Variants in ALS2 observed in about 807,000 individuals in gnomAD.
The protein encoded by ALS2 is alsin.
In ALS2, 117 loss-of-function variants were observed where a neutral mutation model predicts 203.4. The observed-to-expected ratio is 0.58, with a 90% CI of 0.50 to 0.67. ALS2 has a LOEUF of 0.67. Among genes scored for constraint, ALS2 ranks in the 30% least tolerant of loss-of-function variants. The probability of loss-of-function intolerance (pLI) is 0.00; values close to 1 mark genes in which losing one functional copy is unlikely to be tolerated. For synonymous variants in ALS2, 718 were observed against 725.9 expected (o/e 0.99, Z 0.17); for missense variants, 1,715 against 1,989.4 (o/e 0.86, Z 2.62).
intron 13 of ALS2, 147 bp downstream of exon 13, chr2:201,733,129 G>T (rs1691678527): frequency 1.1e-6 from 1 of 913,012 alleles, no homozygotes; most frequent in Non-Finnish European, 1.6e-6. Flanking sequence ...ACTTTCCTCT[G>T]TCATTTCCCT....
At chr2:201,746,303 A>T (rs1453184303) in intron 9 of ALS2, among the ~76,000 whole-genome samples, 2 of 152,196 alleles carry the variant, frequency 1.3e-5, no homozygotes, top group Non-Finnish European at 2.9e-5. Flanking sequence ...GATAGCCTAA[A>T]ATCCCTACCC....
In ALS2 at chr2:201,761,042, T is replaced by C; in HGVS notation, c.952A>G (p.Met318Val). ...CCCATGACATTTTGTTGAGAGGACA[T>C]GGCATCGCTGCTTGTGATCTGAGCA... ...VSAQITSSDA[M>V]SSQQNVMGTT... The change falls in exon 4 of 34, where the codon ATG (methionine) becomes GTG (valine). Residue 318 changes from methionine (M) to valine (V), a missense_variant. Physicochemically the swap from Met to Val is conservative, Grantham distance 21. Transcript: ENST00000264276. The C allele has an allele frequency of 6.2e-7, 1 of 1,614,196 alleles. No individual in the cohort carries two copies. The highest frequency in any genetic ancestry group is 8.5e-7 in the Non-Finnish European group (1 of 1,180,026).
intron 8 of ALS2, among the ~76,000 whole-genome samples, chr2:201,748,969 G>A (rs1692851391): frequency 6.6e-6 from 1 of 152,132 alleles, no homozygotes; most frequent in Admixed American, 6.5e-5. Context: ...TGGGAACGGG[G>A]AGATATCAGA....
intron 16 of ALS2, among the ~76,000 whole-genome samples, 172 bp downstream of exon 16, chr2:201,727,533 C>T (rs1392310004): frequency 1.3e-5 from 2 of 152,120 alleles, no homozygotes; most frequent in African/African-American, 4.8e-5. Flanking sequence ...TCACAACAGG[C>T]CATTTTATTA....
rs967463067 is a variant in ALS2, at chr2:201,723,581, G to C, written c.3513-140C>G. On this transcript the variant is annotated intron_variant, in intron 21 of 33. Transcript: ENST00000264276. ...TTTTCTAGTTAAAATAGTTAACTTT[G>C]TCTCCTCAAATATGGGACAAAGTGA... 1.8e-5 allele frequency: 13 copies of C among 728,618 alleles called. No homozygotes were observed. In the East Asian group the frequency reaches 2.8e-4, roughly 16 times the overall value. 45.1% of individuals were successfully genotyped at this position (728,618 alleles called of 1,614,324 possible). A position where few individuals can be genotyped will look rare whatever the true frequency, so the allele number is the denominator to read the frequency against.
At chr2:201,768,990 C>A in intron 1 of ALS2, 45 bp from the exon 2 acceptor site, 3 of 1,024,444 alleles carry the variant, frequency 2.9e-6, no homozygotes, top group Non-Finnish European at 4.3e-6. Flanking sequence ...GAATATTTTA[C>A]CCCTCAGACA....
intron 3 of ALS2, chr2:201,765,576 T>C (rs1373153483): frequency 6.0e-6 from 1 of 167,054 alleles, no homozygotes; most frequent in Non-Finnish European, 1.5e-5. Flanking sequence ...TTAATCCTTG[T>C]TTCCTAGAAT....
chr2:201,742,351 A>G (rs1449959067), intron 10 of ALS2, among the ~76,000 whole-genome samples: 1 of 152,222 alleles, frequency 6.6e-6, no homozygotes, highest in Non-Finnish European at 1.5e-5. Flanking sequence ...CCTTCAGTGC[A>G]GAGAAGGCAA....
chr2:201,763,086 G>A (rs955578338), intron 3 of ALS2: 3 of 180,510 alleles, frequency 1.7e-5, no homozygotes, highest in African/African-American at 7.2e-5. Flanking sequence ...CCAGATTCCA[G>A]GTGTTTGTTG....
chr2:201,728,020 A>T (rs1691299909), intron 15 of ALS2, among the ~76,000 whole-genome samples: 1 of 152,194 alleles, frequency 6.6e-6, no homozygotes, highest in Non-Finnish European at 1.5e-5. Context: ...CTCATTCTCA[A>T]GCTGGAAACT....
intron 11 of ALS2, among the ~76,000 whole-genome samples, chr2:201,739,283 A>T (rs1432394952): frequency 6.6e-6 from 1 of 151,388 alleles, no homozygotes; most frequent in African/African-American, 2.4e-5. Context: ...AGGAAATTTT[A>T]AAAACACCTA....
At chr2:201,734,560 A>G (rs1403509956) in intron 12 of ALS2, among the ~76,000 whole-genome samples, 1 of 152,094 alleles carries the variant, frequency 6.6e-6, no homozygotes, top group Non-Finnish European at 1.5e-5. Flanking sequence ...GTTCTACTGC[A>G]GAGATCAGCT....
intron 1 of ALS2, among the ~76,000 whole-genome samples, chr2:201,773,056 T>C (rs1297625224): frequency 6.6e-6 from 1 of 152,038 alleles, no homozygotes; most frequent in Non-Finnish European, 1.5e-5. Flanking sequence ...GAGACAGGGT[T>C]TCACTATGTT....
At chr2:201,718,602 GT>G (rs1429327740) in intron 23 of ALS2, among the ~76,000 whole-genome samples, 2 of 152,018 alleles carry the variant, frequency 1.3e-5, no homozygotes, top group Non-Finnish European at 2.9e-5. Flanking sequence ...CTAAATGGTT[GT>G]TTTCCTTTTT....
chr2:201,771,876 G>A (rs1414387296), intron 1 of ALS2, among the ~76,000 whole-genome samples: 1 of 152,152 alleles, frequency 6.6e-6, no homozygotes, highest in East Asian at 1.9e-4. Context: ...TAACTTTCCT[G>A]CATAGACCTG....
rs1689931001 is a variant in ALS2, at chr2:201,709,883, C to T, written c.4278G>A (p.Val1426=). Residue 1426 remains valine, a splice_region_variant and synonymous_variant, in exon 27 of 34, where the codon GTG becomes GTA. Transcript: ENST00000264276. The part of the protein sequence containing the change: ...KSYLKRIFQL[V]RFLFPELPEE... The stretch of plus-strand genomic sequence containing the variant: ...ACTTTAGTGAAAAGCTCTCTTACCT[C>T]ACCAGCTGGAAAATTCGCTTAAGAT... 2 of 1,613,966 alleles carry T rather than the reference C, an allele frequency of 1.2e-6. No individual in the cohort carries two copies. The highest frequency in any genetic ancestry group is 2.7e-5 in the African/African-American group (2 of 74,920).
At chr2:201,710,293 A>C (rs1460133881) in intron 26 of ALS2, among the ~76,000 whole-genome samples, 1 of 152,096 alleles carries the variant, frequency 6.6e-6, no homozygotes, top group East Asian at 1.9e-4. Context: ...ACTGATATGG[A>C]ATACCACTAA....
At position 201,761,171 on chromosome 2, in the gene ALS2, C is replaced by G. The variant is rs555477868; in HGVS notation, c.823G>C (p.Ala275Pro). The G allele has an allele frequency of 1.2e-6, 2 of 1,614,186 alleles. No homozygotes were observed. Among genetic ancestry groups the G allele is most frequent in the Non-Finnish European group, 8.5e-7 (1 of 1,180,030 alleles). Residue 275 changes from alanine to proline, a missense_variant, in exon 4 of 34, where the codon GCT (alanine) becomes CCT (proline). Coordinates refer to ENST00000264276, the MANE Select transcript of ALS2 (RefSeq NM_020919.4). ...AGGGTTTCAGTGGAGGGGCTGAGAG[C>G]AGTGCTGGCATGGTTTTCTGCCTGA... is the stretch of plus-strand genomic sequence containing the variant. ...ESQAENHAST[A>P]LSPSTETLDR...
rs554194791 is a variant in ALS2 at position 201,708,094 on chromosome 2, A to G, written c.4281-103T>C. ...GTTATGAGAGCAAGCTTTATTATCA[A>G]CTAAGTATTTTAGTTCCCTGAGAAA... On this transcript the variant is annotated intron_variant, in intron 27 of 33. Transcript: ENST00000264276. 5.5e-6 allele frequency: 6 copies of G among 1,094,750 alleles called. No individual in the cohort carries two copies. In the African/African-American group the frequency reaches 8.0e-5, roughly 15 times the overall value. 67.8% of individuals were successfully genotyped at this position (1,094,750 alleles called of 1,614,324 possible).
Sources: allele counts gnomAD v4.1 joint callset (sites outside exome capture counted in the v4.1 genomes callset), GRCh38; gene constraint gnomAD v4.1.1; transcripts MANE v1.5; gene names NCBI Gene and HGNC (gene_info 2026-07-23, HGNC 2026-07-21).